SPAG16: variants seen among roughly 807,000 people sequenced by gnomAD.
SPAG16 encodes sperm associated antigen 16.
A neutral mutation model predicts 80.4 loss-of-function variants in SPAG16; 86 were observed. That is an observed-to-expected ratio of 1.07 (90% CI 0.90 to 1.28). The LOEUF (loss-of-function observed/expected upper bound fraction) is 1.28. Ranked by LOEUF, SPAG16 falls within the 50% of genes most tolerant of loss-of-function variation. The probability of loss-of-function intolerance (pLI) is 0.00; values close to 1 mark genes in which losing one functional copy is unlikely to be tolerated. For synonymous variants in SPAG16, 294 were observed against 265.9 expected (o/e 1.11, Z -1.03); for missense variants, 870 against 765.3 (o/e 1.14, Z -1.61).
intron 10 of SPAG16, among the ~76,000 whole-genome samples, chr2:213,573,766 G>A (rs904556798): frequency 6.6e-6 from 1 of 152,022 alleles, no homozygotes; most frequent in African/African-American, 2.4e-5. Context: ...TGTTTTGCTG[G>A]TACAAACAAA....
chr2:213,826,726 G>A (rs1299296858), intron 10 of SPAG16, among the ~76,000 whole-genome samples: 3 of 151,950 alleles, frequency 2.0e-5, no homozygotes, highest in Admixed American at 2.0e-4. Context: ...GCTGTTGCAT[G>A]AAAAGTTCTG....
chr2:213,687,543 G>A (rs576345452), intron 10 of SPAG16, among the ~76,000 whole-genome samples: 1 of 152,166 alleles, frequency 6.6e-6, no homozygotes, highest in South Asian at 2.1e-4. Flanking sequence ...ATTCTAGATT[G>A]GCGTCCTATT....
At chr2:214,141,480 C>A (rs1576332320) in intron 14 of SPAG16, among the ~76,000 whole-genome samples, 3 of 144,448 alleles carry the variant, frequency 2.1e-5, no homozygotes, top group African/African-American at 4.9e-5. Context: ...AAAAAAAAAA[C>A]CAAAAAAATT....
chr2:214,379,305 C>CCAA (rs1387685153), intron 15 of SPAG16, among the ~76,000 whole-genome samples: 2 of 152,170 alleles, frequency 1.3e-5, no homozygotes, highest in Non-Finnish European at 2.9e-5. Context: ...CATTTAATCT[C>CCAA]CAACTTCCAA....
intron 10 of SPAG16, among the ~76,000 whole-genome samples, chr2:213,840,471 TAAAC>T (rs973513795): frequency 6.6e-6 from 1 of 152,082 alleles, no homozygotes; most frequent in Non-Finnish European, 1.5e-5. Context: ...AAATGAGAAA[TAAAC>T]AAAATATTTG....
intron 14 of SPAG16, among the ~76,000 whole-genome samples, chr2:214,130,797 AT>A: frequency 6.6e-6 from 1 of 152,226 alleles, no homozygotes; most frequent in African/African-American, 2.4e-5. Context: ...GAGTCAGAAC[AT>A]TTTTTTAGTG....
intron 5 of SPAG16, among the ~76,000 whole-genome samples, chr2:213,337,576 A>G (rs962274903): frequency 3.9e-5 from 6 of 152,230 alleles, no homozygotes; most frequent in African/African-American, 1.2e-4. Flanking sequence ...TCACAGTGCA[A>G]TAACAAGCAT....
intron 9 of SPAG16, among the ~76,000 whole-genome samples, chr2:213,414,824 T>C (rs1421888348): frequency 6.6e-6 from 1 of 152,248 alleles, no homozygotes; most frequent in Non-Finnish European, 1.5e-5. Context: ...ATTTGTCCCT[T>C]CTTAATGGAC....
intron 9 of SPAG16, among the ~76,000 whole-genome samples, chr2:213,383,505 T>C (rs957953205): frequency 1.3e-5 from 2 of 152,154 alleles, no homozygotes; most frequent in Non-Finnish European, 2.9e-5. Context: ...ATTATATGAA[T>C]CCTCTTGAAT....
Position 213,296,126 on chromosome 2 carries a change from T to C in SPAG16, c.183+16T>C. 1.3e-6 allele frequency: 2 copies of C among 1,568,844 alleles called. No individual in the cohort carries two copies. Among genetic ancestry groups the C allele is most frequent in the Non-Finnish European group, 1.8e-6 (2 of 1,141,194 alleles). On this transcript the variant is annotated intron_variant, in intron 2 of 15. Coordinates refer to ENST00000331683, the MANE Select transcript of SPAG16 (RefSeq NM_024532.5). ...ATATGAAGAGGTAACATGTTAATTT[T>C]AGGTGTTTATTCTGTAAATTTATTG...
intron 8 of SPAG16, among the ~76,000 whole-genome samples, chr2:213,372,264 A>G (rs990236796): frequency 7.9e-5 from 12 of 152,122 alleles, no homozygotes; most frequent in Non-Finnish European, 1.6e-4. Flanking sequence ...TCATAATGAT[A>G]CATATAATTG....
intron 8 of SPAG16, among the ~76,000 whole-genome samples, chr2:213,373,862 T>C (rs2066763059): frequency 2.0e-5 from 3 of 152,218 alleles, no homozygotes; most frequent in Admixed American, 2.0e-4. Context: ...GCATGAATGT[T>C]AGTTATTGTT....
intron 10 of SPAG16, among the ~76,000 whole-genome samples, chr2:213,626,241 T>C (rs1227880981): frequency 6.6e-6 from 1 of 151,990 alleles, no homozygotes; most frequent in East Asian, 1.9e-4. Context: ...ATATTAGCAG[T>C]CCAGCATATT....
At chr2:213,762,627 C>T (rs1022681073) in intron 10 of SPAG16, among the ~76,000 whole-genome samples, 1 of 152,116 alleles carries the variant, frequency 6.6e-6, no homozygotes, top group African/African-American at 2.4e-5. Context: ...TTGCACCATA[C>T]ACAAAAATAA....
At chr2:214,289,804 G>T (rs1693656925) in intron 15 of SPAG16, among the ~76,000 whole-genome samples, 1 of 152,098 alleles carries the variant, frequency 6.6e-6, no homozygotes, top group Non-Finnish European at 1.5e-5. Context: ...AGGATCTATA[G>T]ATGCTTTAAG....
intron 4 of SPAG16, among the ~76,000 whole-genome samples, chr2:213,313,750 G>A (rs2063296240): frequency 6.6e-6 from 1 of 151,906 alleles, no homozygotes; most frequent in Non-Finnish European, 1.5e-5. Flanking sequence ...CTTGGGGCCA[G>A]TAATAAACAT....
In SPAG16 at chr2:213,752,216, TCTTAAC is replaced by T. The variant is rs900768872; in HGVS notation, c.1071-110265_1071-110260del. Among the ~76,000 whole-genome samples, 6 of 152,336 alleles carry T rather than the reference TCTTAAC, an allele frequency of 3.9e-5. No individual in the cohort carries two copies. In the South Asian group the frequency reaches 6.2e-4, roughly 16 times the overall value. ...GCTAGACTAGATAAGGACTTTGTCT[TCTTAAC>T]CTTCTTCCCAGCTCCTCTCCCCATA... is the stretch of plus-strand genomic sequence containing the variant. On this transcript the variant is annotated intron_variant, in intron 10 of 15. Coordinates refer to ENST00000331683, the MANE Select transcript of SPAG16 (RefSeq NM_024532.5).
intron 12 of SPAG16, among the ~76,000 whole-genome samples, chr2:214,002,408 A>G (rs1397351): frequency 0.5 from 75,618 of 152,002 alleles, 19,456 homozygotes; most frequent in South Asian, 0.76. Context: ...ATGATTAGAT[A>G]ATAAATGGAA....
chr2:213,688,266 A>G lies in SPAG16; in HGVS notation c.1071-174219A>G, dbSNP rs141640468. On this transcript the variant is annotated intron_variant, in intron 10 of 15. Coordinates refer to ENST00000331683, the MANE Select transcript of SPAG16 (RefSeq NM_024532.5). ...TGAATTCTCATAGTGGCTGCCATTA[A>G]AGACAATAGATGACAAATGTTTCCT... Among the ~76,000 whole-genome samples, 815 of 152,350 alleles carry G rather than the reference A, an allele frequency of 5.3e-3. 1 individual carries two copies. Among genetic ancestry groups the G allele is most frequent in the Non-Finnish European group, 8.1e-3 (552 of 68,030 alleles).
Sources: gnomAD v4.1 joint callset for allele counts (sites outside exome capture counted in the v4.1 genomes callset) on GRCh38, gnomAD v4.1.1 for gene constraint, MANE v1.5 for transcripts, NCBI Gene and HGNC (gene_info 2026-07-23, HGNC 2026-07-21) for gene names.